PHC2: variants seen among roughly 807,000 people sequenced by gnomAD.
PHC2 encodes the protein polyhomeotic homolog 2, also known as polyhomeotic-like protein 2.
PHC2 carries 29 observed loss-of-function variants against 87.4 expected under a neutral mutation model. That is an observed-to-expected ratio of 0.33 (90% CI 0.25 to 0.45). The LOEUF is 0.45. PHC2 is among the 20% of genes least tolerant of loss of function. The pLI, the probability that PHC2 is intolerant of heterozygous loss-of-function variation, is 1.00. For synonymous variants in PHC2, 438 were observed against 461.7 expected (o/e 0.95, Z 0.66); for missense variants, 857 against 1,136.7 (o/e 0.75, Z 3.54).
At chr1:33,425,624 T>C (rs921279202) in intron 1 of PHC2, among the ~76,000 whole-genome samples, 2 of 152,218 alleles carry the variant, frequency 1.3e-5, no homozygotes, top group African/African-American at 4.8e-5. Context: ...TGAGAGGTAA[T>C]GCTTGAATTG....
intron 13 of PHC2, 101 bp downstream of exon 13, chr1:33,329,970 C>T (rs370052257): frequency 9.2e-6 from 12 of 1,301,034 alleles, no homozygotes; most frequent in South Asian, 7.9e-5. Flanking sequence ...CAGCAGAGTG[C>T]GCTGAAGTCG....
chr1:33,332,495 C>G lies in PHC2; in HGVS notation c.1762-91G>C, dbSNP rs771442321. The G allele has an allele frequency of 6.8e-7, 1 of 1,471,698 alleles. No individual in the cohort carries two copies. Among genetic ancestry groups the G allele is most frequent in the Non-Finnish European group, 9.4e-7 (1 of 1,060,336 alleles). The allele number at this position is 1,471,698 out of a possible 1,614,324, so 91.2% of individuals were successfully genotyped here. On this transcript the variant is annotated intron_variant, in intron 10 of 14. Transcript: ENST00000683057. This position sits in a 1 kb window ranked among gnomAD's most constrained non-coding sequence, Gnocchi z 4.2. ...CATCACAATTACACGTATAAAGTAT[C>G]CAGGCACAGAGGCCAGCCCTCCTCA...
At chr1:33,373,346 C>T (rs1181689407) in intron 2 of PHC2, among the ~76,000 whole-genome samples, 1 of 152,106 alleles carries the variant, frequency 6.6e-6, no homozygotes, top group African/African-American at 2.4e-5. Context: ...GTCTCGAACT[C>T]CTGACCTCAG....
At chr1:33,371,978 G>A (rs116486922) in intron 3 of PHC2, among the ~76,000 whole-genome samples, 1,799 of 152,322 alleles carry the variant, frequency 0.012, 40 homozygotes, top group African/African-American at 0.042. Context: ...AGTGCCCTTC[G>A]TTCACGAACG....
intron 1 of PHC2, among the ~76,000 whole-genome samples, chr1:33,381,811 A>T (rs1648507364): frequency 6.6e-6 from 1 of 151,928 alleles, no homozygotes; most frequent in African/African-American, 2.4e-5. Context: ...TCTATGTAAT[A>T]TATATATAAA....
chr1:33,393,078 G>C (rs1162234889), intron 1 of PHC2, among the ~76,000 whole-genome samples: 1 of 152,100 alleles, frequency 6.6e-6, no homozygotes, highest in East Asian at 1.9e-4. Context: ...AAAAGCATGA[G>C]AGTTCCACAG....
chr1:33,336,750 C>T (rs10798938), intron 9 of PHC2: 61,550 of 152,050 alleles, frequency 0.4, 14,194 homozygotes, highest in African/African-American at 0.65. Context: ...TCAGGAGGGA[C>T]GCACATGGAG....
At chr1:33,351,722 C>T (rs951022288) in intron 9 of PHC2, among the ~76,000 whole-genome samples, 21 of 152,090 alleles carry the variant, frequency 1.4e-4, no homozygotes, top group South Asian at 6.2e-4. Context: ...GAGGCCGAGG[C>T]GGGCAGATCA....
intron 1 of PHC2, among the ~76,000 whole-genome samples, chr1:33,423,437 T>C (rs1034176524): frequency 5.3e-5 from 8 of 152,184 alleles, no homozygotes; most frequent in Admixed American, 6.5e-5. Flanking sequence ...CTCATGATTT[T>C]AGCCATCAAG....
At chr1:33,423,254 C>T (rs945659098) in intron 1 of PHC2, among the ~76,000 whole-genome samples, 4 of 152,088 alleles carry the variant, frequency 2.6e-5, no homozygotes, top group Non-Finnish European at 5.9e-5. Context: ...CAAACAAATG[C>T]AAGCCTTATT....
chr1:33,392,881 G>A (rs1328636583), intron 1 of PHC2: 1 of 152,098 alleles, frequency 6.6e-6, no homozygotes, highest in Non-Finnish European at 1.5e-5. Flanking sequence ...TGGGCTTTTT[G>A]CCTGCAGTAT....
chr1:33,425,867 G>C (rs1404677268), intron 1 of PHC2, among the ~76,000 whole-genome samples: 1 of 152,176 alleles, frequency 6.6e-6, no homozygotes, highest in African/African-American at 2.4e-5. Flanking sequence ...AGGCTTACCT[G>C]GTCCATGTTG....
intron 1 of PHC2, among the ~76,000 whole-genome samples, chr1:33,393,977 T>C (rs545663405): frequency 6.6e-6 from 1 of 152,282 alleles, no homozygotes; most frequent in East Asian, 1.9e-4. Flanking sequence ...AGAAAAGAAC[T>C]GTCAATCTGC....
At chr1:33,386,181 A>G (rs17474856) in intron 1 of PHC2, among the ~76,000 whole-genome samples, 42,594 of 151,768 alleles carry the variant, frequency 0.28, 6,787 homozygotes, top group Admixed American at 0.44. Flanking sequence ...GGATTTATAC[A>G]TAGAAATCTC....
At chr1:33,413,872 G>T (rs1264535709) in intron 1 of PHC2, among the ~76,000 whole-genome samples, 1 of 152,132 alleles carries the variant, frequency 6.6e-6, no homozygotes, top group East Asian at 1.9e-4. Flanking sequence ...TGCCTCCTGT[G>T]GCCCAGAGTA....
Position 33,398,136 on chromosome 1 carries a change from C to T in PHC2, c.-54-22543G>A, listed in dbSNP as rs561913120. On this transcript the variant is annotated intron_variant, in intron 1 of 14. Coordinates refer to ENST00000683057, the MANE Select transcript of PHC2 (RefSeq NM_001385109.1). ...TTCTCTTTCCTCCTGAAACCTGAAA[C>T]TGAAAAGCATTGTGGAAAGGCTCTA... Among the ~76,000 whole-genome samples, 12 of 152,312 alleles carry T rather than the reference C, an allele frequency of 7.9e-5. 1 individual carries two copies. Among genetic ancestry groups the T allele is most frequent in the African/African-American group, 2.6e-4 (11 of 41,568 alleles).
chr1:33,347,086 G>A, intron 9 of PHC2: 5 of 985,564 alleles, frequency 5.1e-6, no homozygotes, highest in African/African-American at 1.7e-5. Context: ...CAGGAAATGA[G>A]TAACACAGGA....
intron 1 of PHC2, among the ~76,000 whole-genome samples, chr1:33,409,301 T>C (rs1184157472): frequency 6.6e-6 from 1 of 152,196 alleles, no homozygotes; most frequent in Non-Finnish European, 1.5e-5. Flanking sequence ...GGATTAGTAA[T>C]TGTACTTTCA....
At chr1:33,417,475 G>A (rs1650258932) in intron 1 of PHC2, among the ~76,000 whole-genome samples, 1 of 152,160 alleles carries the variant, frequency 6.6e-6, no homozygotes, top group Non-Finnish European at 1.5e-5. Flanking sequence ...TAAGAAAGCT[G>A]CAATGATTAT....
Sources: gnomAD v4.1 joint callset for allele counts (sites outside exome capture counted in the v4.1 genomes callset) on GRCh38, gnomAD v4.1.1 for gene constraint, Gnocchi (gnomAD v3.1) non-coding constraint, MANE v1.5 for transcripts, NCBI Gene and HGNC (gene_info 2026-07-23, HGNC 2026-07-21) for gene names.